Variants in NR3C2 observed in about 807,000 individuals in gnomAD.
The protein encoded by NR3C2 is mineralocorticoid receptor.
In NR3C2, 15 loss-of-function variants were observed where a neutral mutation model predicts 86.4. That is an observed-to-expected ratio of 0.17 (90% CI 0.12 to 0.27). The LOEUF (loss-of-function observed/expected upper bound fraction) is 0.27, where lower values mean the gene tolerates loss of function less well. NR3C2 is among the 10% of genes least tolerant of loss of function. The pLI is 1.00. For synonymous variants in NR3C2, 458 were observed against 450.5 expected (o/e 1.02, Z -0.21); for missense variants, 960 against 1,195.6 (o/e 0.80, Z 2.91).
chr4:148,143,082 G>A (rs993097397), intron 6 of NR3C2, among the ~76,000 whole-genome samples: 8 of 152,118 alleles, frequency 5.3e-5, no homozygotes, highest in African/African-American at 1.9e-4. Flanking sequence ...CCAGTCTCAG[G>A]TATTTCTGTA....
At chr4:148,406,672 G>T (rs889693596) in intron 2 of NR3C2, among the ~76,000 whole-genome samples, 1 of 152,100 alleles carries the variant, frequency 6.6e-6, no homozygotes, top group Admixed American at 6.6e-5. Context: ...GAAATAGGAG[G>T]CCGGTAAAAG....
At chr4:148,112,026 C>G (rs1732067675) in intron 8 of NR3C2, among the ~76,000 whole-genome samples, 1 of 152,106 alleles carries the variant, frequency 6.6e-6, no homozygotes, top group Non-Finnish European at 1.5e-5. Flanking sequence ...CACTAATTTA[C>G]TTTGGGAAAC....
intron 8 of NR3C2, among the ~76,000 whole-genome samples, chr4:148,112,123 GA>G (rs1228031314): frequency 7.3e-4 from 106 of 146,114 alleles, no homozygotes; most frequent in East Asian, 4.7e-3. Flanking sequence ...GCTGGTGGGG[GA>G]AAAAAAAAAA....
chr4:148,132,871 G>C (rs959894465), intron 6 of NR3C2, among the ~76,000 whole-genome samples: 1 of 152,126 alleles, frequency 6.6e-6, no homozygotes, highest in Non-Finnish European at 1.5e-5. Context: ...CTTACTGCCA[G>C]AGTTGCTACA....
intron 2 of NR3C2, among the ~76,000 whole-genome samples, chr4:148,349,276 A>T (rs952176303): frequency 2.6e-5 from 4 of 152,116 alleles, no homozygotes; most frequent in Non-Finnish European, 5.9e-5. Context: ...TGGTATTAAA[A>T]GCATCCTGTG....
At chr4:148,163,061 T>C (rs987821549) in intron 4 of NR3C2, among the ~76,000 whole-genome samples, 4 of 152,218 alleles carry the variant, frequency 2.6e-5, no homozygotes, top group African/African-American at 9.7e-5. Flanking sequence ...GCATCTATTT[T>C]CTATTTCCAC....
At chr4:148,330,312 G>A (rs557085184) in intron 2 of NR3C2, among the ~76,000 whole-genome samples, 2 of 152,138 alleles carry the variant, frequency 1.3e-5, no homozygotes, top group African/African-American at 2.4e-5. Flanking sequence ...GACGCCTCTG[G>A]CCCACACACA....
At chr4:148,266,304 C>G (rs1304420645) in intron 2 of NR3C2, among the ~76,000 whole-genome samples, 5 of 152,132 alleles carry the variant, frequency 3.3e-5, no homozygotes, top group Admixed American at 3.3e-4. Flanking sequence ...ATATCTTGAC[C>G]TTGTAATCTG....
At position 148,370,861 on chromosome 4, in the gene NR3C2, C is replaced by T. The variant is rs573657257; in HGVS notation, c.1757+64243G>A. Reference sequence around the variant, plus strand: ...AGTATCTTCCTTCTCCTCCCCGCCCCCCAATAAGAGATGGAAGTTTCTCTC... The same window carrying T: ...AGTATCTTCCTTCTCCTCCCCGCCCTCCAATAAGAGATGGAAGTTTCTCTC... On this transcript the variant is annotated intron_variant, in intron 2 of 8. Coordinates refer to ENST00000358102, the MANE Select transcript of NR3C2 (RefSeq NM_000901.5). 2.6e-5 allele frequency among the ~76,000 whole-genome samples: 4 copies of T among 152,162 alleles called. No individual in the cohort carries two copies. The South Asian group carries it at 8.3e-4, about 32-fold the overall frequency.
At chr4:148,237,671 GTTT>G (rs138670744) in intron 3 of NR3C2, among the ~76,000 whole-genome samples, 76 of 143,640 alleles carry the variant, frequency 5.3e-4, no homozygotes, top group East Asian at 1.2e-3. Flanking sequence ...AACAAAATGG[GTTT>G]TTTTTTTTTT....
At chr4:148,101,385 C>T (rs574790939) in intron 8 of NR3C2, among the ~76,000 whole-genome samples, 18 of 152,120 alleles carry the variant, frequency 1.2e-4, no homozygotes, top group South Asian at 2.1e-4. Flanking sequence ...AAGTCAGCCA[C>T]GAAAGCTATG....
At chr4:148,135,101 G>A (rs1474193772) in intron 6 of NR3C2, among the ~76,000 whole-genome samples, 1 of 152,186 alleles carries the variant, frequency 6.6e-6, no homozygotes, top group Non-Finnish European at 1.5e-5. Context: ...AAAGGGGGCA[G>A]GGGCAGCCAC....
chr4:148,234,699 AGGAG>A, intron 3 of NR3C2, among the ~76,000 whole-genome samples: 1 of 149,032 alleles, frequency 6.7e-6, no homozygotes, highest in South Asian at 2.1e-4. Context: ...AAAAAAAAAA[AGGAG>A]GGAGGGATGG....
At chr4:148,312,864 G>A (rs1234049942) in intron 2 of NR3C2, among the ~76,000 whole-genome samples, 1 of 152,034 alleles carries the variant, frequency 6.6e-6, no homozygotes, top group Non-Finnish European at 1.5e-5. Flanking sequence ...AAAAGCATAT[G>A]TCTTTAGTTA....
At chr4:148,419,212 T>C (rs140492783) in intron 2 of NR3C2, among the ~76,000 whole-genome samples, 1 of 152,290 alleles carries the variant, frequency 6.6e-6, no homozygotes, top group East Asian at 1.9e-4. Context: ...CAAATTGCAT[T>C]TTCAACTATA....
intron 6 of NR3C2, among the ~76,000 whole-genome samples, chr4:148,148,314 C>T (rs1733961846): frequency 6.6e-6 from 1 of 152,208 alleles, no homozygotes; most frequent in Non-Finnish European, 1.5e-5. Context: ...GTTGATTTCA[C>T]CTTACACTAT....
At chr4:148,283,922 A>G (rs1307983885) in intron 2 of NR3C2, among the ~76,000 whole-genome samples, 1 of 152,204 alleles carries the variant, frequency 6.6e-6, no homozygotes, top group Admixed American at 6.5e-5. Flanking sequence ...ACTGCGAGTG[A>G]TTACCAGGCT....
chr4:148,382,460 C>G (rs1325095503), intron 2 of NR3C2, among the ~76,000 whole-genome samples: 2 of 152,150 alleles, frequency 1.3e-5, no homozygotes, highest in Admixed American at 6.5e-5. Flanking sequence ...CTTGTCCAAG[C>G]TCACAAAACC....
chr4:148,338,021 C>A (rs1744577688), intron 2 of NR3C2, among the ~76,000 whole-genome samples: 1 of 152,084 alleles, frequency 6.6e-6, no homozygotes, highest in Non-Finnish European at 1.5e-5. Context: ...CTAAGTTTTT[C>A]CCTATTTGTA....
Sources: allele counts gnomAD v4.1 joint callset (sites outside exome capture counted in the v4.1 genomes callset), GRCh38; gene constraint gnomAD v4.1.1; transcripts MANE v1.5; gene names NCBI Gene and HGNC (gene_info 2026-07-23, HGNC 2026-07-21).